Variants in MED13L observed in about 807,000 individuals in gnomAD.
MED13L encodes the protein mediator of RNA polymerase II transcription subunit 13-like.
In MED13L, 7 loss-of-function variants were observed where a neutral mutation model predicts 220.9. That is an observed-to-expected ratio of 0.03 (90% CI 0.02 to 0.06). The LOEUF (loss-of-function observed/expected upper bound fraction) is 0.06. MED13L is among the 10% of genes least tolerant of loss of function. The probability of loss-of-function intolerance (pLI) is 1.00; values close to 1 mark genes in which losing one functional copy is unlikely to be tolerated. For missense variants in MED13L, 1,965 were observed against 2,760.5 expected (o/e 0.71, Z 6.46); for synonymous variants, 1,011 against 1,015.2 (o/e 1.00, Z 0.08).
At chr12:116,187,512 G>A (rs1434998039) in intron 2 of MED13L, among the ~76,000 whole-genome samples, 1 of 152,050 alleles carries the variant, frequency 6.6e-6, no homozygotes, top group Non-Finnish European at 1.5e-5. Context: ...GACACATATT[G>A]TTTTATGTAG....
At chr12:116,045,159 A>T (rs1005120259) in intron 4 of MED13L, among the ~76,000 whole-genome samples, 2 of 152,190 alleles carry the variant, frequency 1.3e-5, no homozygotes, top group Non-Finnish European at 2.9e-5. Flanking sequence ...AAAGATGGAA[A>T]ATATTACATG....
At chr12:116,200,846 CATA>C (rs1464272430) in intron 2 of MED13L, among the ~76,000 whole-genome samples, 1 of 152,076 alleles carries the variant, frequency 6.6e-6, no homozygotes, top group Non-Finnish European at 1.5e-5. Flanking sequence ...TAGAGAATAT[CATA>C]ATAATTCCTA....
chr12:116,276,579 A>C, intron 1 of MED13L: 1 of 1,228,102 alleles, frequency 8.1e-7, no homozygotes, highest in Non-Finnish European at 1.0e-6. Flanking sequence ...TTTAGGGCGA[A>C]ATTGCAGGTG....
intron 4 of MED13L, among the ~76,000 whole-genome samples, chr12:116,076,968 C>T (rs949323718): frequency 2.6e-5 from 4 of 152,188 alleles, no homozygotes; most frequent in East Asian, 1.9e-4. Flanking sequence ...ATATCTTCCA[C>T]GGCTGCTAAG....
chr12:116,132,380 C>G (rs1876150144), intron 2 of MED13L, among the ~76,000 whole-genome samples: 1 of 151,604 alleles, frequency 6.6e-6, no homozygotes, highest in South Asian at 2.1e-4. Context: ...AATTACTGGG[C>G]AGAGGATTAG....
rs74998581 is a variant in MED13L, at chr12:116,017,309, T to G, written c.1009+1915A>C. Among the ~76,000 whole-genome samples, 1,134 of 152,320 alleles carry G rather than the reference T, an allele frequency of 7.4e-3. 21 individuals carry two copies. The highest frequency in any genetic ancestry group is 0.026 in the African/African-American group (1,066 of 41,576). On this transcript the variant is annotated intron_variant, in intron 7 of 30. Transcript: ENST00000281928. ...TCTGAACTGACCAGAGGTCAAAGCC[T>G]CATTTACACAGCAGGCCTTCAATTT...
At chr12:115,968,053 T>TACCC (rs1491288278) in intron 28 of MED13L, among the ~76,000 whole-genome samples, 6 of 40,604 alleles carry the variant, frequency 1.5e-4, no homozygotes, top group Non-Finnish European at 1.9e-4. Context: ...GGAATAAAAG[T>TACCC]CCCCCCCCCC....
intron 2 of MED13L, among the ~76,000 whole-genome samples, chr12:116,218,771 T>C (rs1331502348): frequency 6.6e-6 from 1 of 152,032 alleles, no homozygotes; most frequent in Non-Finnish European, 1.5e-5. Flanking sequence ...TCTTGCTCTG[T>C]CACCCAGGCT....
At chr12:116,183,668 C>T (rs1366361755) in intron 2 of MED13L, among the ~76,000 whole-genome samples, 1 of 152,092 alleles carries the variant, frequency 6.6e-6, no homozygotes, top group Admixed American at 6.6e-5. Context: ...TTTCAACATG[C>T]TCACAATATC....
intron 2 of MED13L, among the ~76,000 whole-genome samples, chr12:116,193,085 T>C (rs534727295): frequency 7.9e-5 from 12 of 151,716 alleles, no homozygotes; most frequent in South Asian, 2.1e-4. Flanking sequence ...GCCGAGATCA[T>C]GCCACTGCAC....
chr12:116,155,669 C>T (rs1878373092), intron 2 of MED13L, among the ~76,000 whole-genome samples: 1 of 152,014 alleles, frequency 6.6e-6, no homozygotes, highest in South Asian at 2.1e-4. Flanking sequence ...TTACATTTTG[C>T]CACACAGTCT....
At chr12:116,073,633 T>C (rs1413848153) in intron 4 of MED13L, among the ~76,000 whole-genome samples, 1 of 152,224 alleles carries the variant, frequency 6.6e-6, no homozygotes, top group East Asian at 1.9e-4. Flanking sequence ...AAAGATAAAC[T>C]TGGTGAAAAC....
chr12:116,046,294 AAAT>A (rs1245913864), intron 4 of MED13L, among the ~76,000 whole-genome samples: 9 of 152,338 alleles, frequency 5.9e-5, no homozygotes, highest in African/African-American at 2.2e-4. Flanking sequence ...TTGTCAAGAT[AAAT>A]AATATGAAGA....
At chr12:116,156,054 C>A (rs1252320784) in intron 2 of MED13L, among the ~76,000 whole-genome samples, 1 of 152,050 alleles carries the variant, frequency 6.6e-6, no homozygotes, top group African/African-American at 2.4e-5. Context: ...ACAATTCACT[C>A]TAGAATGGTT....
chr12:116,198,856 C>T (rs1881821926), intron 2 of MED13L, among the ~76,000 whole-genome samples: 1 of 152,180 alleles, frequency 6.6e-6, no homozygotes, highest in Non-Finnish European at 1.5e-5. Flanking sequence ...TGAATTACAG[C>T]TGCAGCTTTG....
intron 14 of MED13L, among the ~76,000 whole-genome samples, chr12:115,999,680 CAA>C (rs764963148): frequency 2.3e-5 from 3 of 132,470 alleles, no homozygotes; most frequent in Admixed American, 7.6e-5. Context: ...CAAGATTTTG[CAA>C]AAAAAAAAAA....
At chr12:116,183,751 AAATC>A (rs1880682552) in intron 2 of MED13L, among the ~76,000 whole-genome samples, 1 of 152,084 alleles carries the variant, frequency 6.6e-6, no homozygotes, top group East Asian at 1.9e-4. Flanking sequence ...AGCAGGGAAA[AAATC>A]AACATCAGAT....
rs550746728 is a variant in MED13L, at chr12:116,159,802, C to T, written c.311-48290G>A. Among the ~76,000 whole-genome samples the T allele has an allele frequency of 3.2e-3, 477 of 150,654 alleles. 2 individuals carry two copies. The highest frequency in any genetic ancestry group is 0.011 in the African/African-American group (435 of 39,954). On this transcript the variant is annotated intron_variant, in intron 2 of 30. Transcript: ENST00000281928. ...TTTAATTCCATAACAGCTTCTCTTG[C>T]TTTTTAAATTAAATCTTCAACTTTA...
intron 30 of MED13L, chr12:115,962,638 A>G (rs1009147064): frequency 2.0e-5 from 3 of 152,326 alleles, no homozygotes; most frequent in Admixed American, 6.5e-5. Context: ...AAAGGCCTGT[A>G]TATTTTCTCA....
Sources: allele counts gnomAD v4.1 joint callset (sites outside exome capture counted in the v4.1 genomes callset), GRCh38; gene constraint gnomAD v4.1.1; transcripts MANE v1.5; gene names NCBI Gene and HGNC (gene_info 2026-07-23, HGNC 2026-07-21).